Variants in ANTXR2 observed in about 807,000 individuals in gnomAD.
The protein encoded by ANTXR2 is anthrax toxin receptor 2.
A neutral mutation model predicts 73.7 loss-of-function variants in ANTXR2; 44 were observed. That is an observed-to-expected ratio of 0.60 (90% CI 0.47 to 0.77). The LOEUF is 0.77. Ranked by LOEUF, ANTXR2 falls within the 30% of genes least tolerant of loss-of-function variation. ANTXR2 has a pLI of 0.00. For missense variants in ANTXR2, 604 were observed against 592.5 expected (o/e 1.02, Z -0.20); for synonymous variants, 217 against 205.9 (o/e 1.05, Z -0.46).
chr4:79,966,860 G>C (rs576731063), intron 16 of ANTXR2, among the ~76,000 whole-genome samples: 4 of 152,116 alleles, frequency 2.6e-5, no homozygotes, highest in African/African-American at 7.2e-5. Context: ...AGTTGCCTTT[G>C]TCAATCAAGA....
Position 79,984,863 on chromosome 4 carries a change from C to T in ANTXR2, c.1042G>A (p.Val348Ile). 1.3e-6 allele frequency: 2 copies of T among 1,597,976 alleles called. No homozygotes were observed. Among genetic ancestry groups the T allele is most frequent in the East Asian group, 2.2e-5 (1 of 44,610 alleles). ...WWFWPLCCKV[V>I]IKDPPPPPAP... ...GGTGGTGGTGGAGGATCCTTAATAA[C>T]CTGTCAAAAAAAATCAAATATAAAA... is the stretch of plus-strand genomic sequence containing the variant. Residue 348 changes from valine (V) to isoleucine (I), a missense_variant and splice_region_variant, in exon 13 of 17, where the codon GTT (valine) becomes ATT (isoleucine). Physicochemically the swap from Val to Ile is conservative, Grantham distance 29 (BLOSUM62 3). Coordinates refer to ENST00000403729, the MANE Select transcript of ANTXR2 (RefSeq NM_058172.6).
At chr4:80,012,023 C>G (rs2110060942) in intron 11 of ANTXR2, among the ~76,000 whole-genome samples, 1 of 152,340 alleles carries the variant, frequency 6.6e-6, no homozygotes, top group South Asian at 2.1e-4. Flanking sequence ...GACTGCTGCC[C>G]TTGCAACATA....
intron 3 of ANTXR2, among the ~76,000 whole-genome samples, chr4:80,067,131 G>T (rs2110121893): frequency 6.6e-6 from 1 of 152,068 alleles, no homozygotes; most frequent in South Asian, 2.1e-4. Flanking sequence ...GTGTGAACCT[G>T]GGAGGTGGAG....
chr4:79,909,983 T>C (rs1440370078), intron 16 of ANTXR2, among the ~76,000 whole-genome samples: 2 of 152,168 alleles, frequency 1.3e-5, no homozygotes. Flanking sequence ...AAAGGAAAGA[T>C]AACAGTGGTT....
chr4:80,023,064 C>A (rs953595189), intron 10 of ANTXR2, among the ~76,000 whole-genome samples: 3 of 151,970 alleles, frequency 2.0e-5, no homozygotes, highest in Non-Finnish European at 4.4e-5. Context: ...TTTAATAAAC[C>A]TTTTAGATCC....
At chr4:79,958,399 T>C (rs1312819404) in intron 16 of ANTXR2, among the ~76,000 whole-genome samples, 3 of 152,196 alleles carry the variant, frequency 2.0e-5, no homozygotes, top group Non-Finnish European at 4.4e-5. Context: ...GAGTATCTGA[T>C]GCCAGAGCAT....
intron 7 of ANTXR2, among the ~76,000 whole-genome samples, chr4:80,048,092 T>C (rs1459032237): frequency 1.3e-5 from 2 of 151,532 alleles, no homozygotes; most frequent in Non-Finnish European, 3.0e-5. Context: ...TTCATTTTAT[T>C]TATTTATCTA....
intron 12 of ANTXR2, among the ~76,000 whole-genome samples, chr4:80,007,874 C>G (rs890127440): frequency 1.3e-5 from 2 of 152,300 alleles, no homozygotes; most frequent in Admixed American, 6.5e-5. Flanking sequence ...TGTGATTAGA[C>G]AGCTGTTAGA....
intron 7 of ANTXR2, among the ~76,000 whole-genome samples, chr4:80,040,776 AC>A (rs1366975586): frequency 4.6e-5 from 7 of 151,902 alleles, no homozygotes; most frequent in Non-Finnish European, 7.4e-5. Context: ...ACACACACAC[AC>A]ACACATATTG....
At chr4:79,990,756 A>C (rs1327765954) in intron 12 of ANTXR2, among the ~76,000 whole-genome samples, 1 of 152,090 alleles carries the variant, frequency 6.6e-6, no homozygotes, top group African/African-American at 2.4e-5. Context: ...GAGTACACCA[A>C]AGCAGCATGG....
intron 2 of ANTXR2, 71 bp from the exon 3 acceptor site, chr4:80,069,578 TA>T (rs1734686850): frequency 1.6e-6 from 2 of 1,221,440 alleles, no homozygotes; most frequent in Admixed American, 2.3e-5. Flanking sequence ...GATGTATAGT[TA>T]GGGAGGTTCA....
chr4:79,915,854 CTCTCTCTCTA>C (rs1423875670), intron 16 of ANTXR2, among the ~76,000 whole-genome samples: 48 of 111,278 alleles, frequency 4.3e-4, no homozygotes, highest in African/African-American at 1.0e-3. Flanking sequence ...CTCTCTCTCT[CTCTCTCTCTA>C]TATATATATA....
intron 7 of ANTXR2, among the ~76,000 whole-genome samples, chr4:80,037,827 A>T (rs1461546757): frequency 6.6e-6 from 1 of 152,164 alleles, no homozygotes; most frequent in East Asian, 1.9e-4. Context: ...AAAAATGGAC[A>T]TTATAGCTAT....
At chr4:79,921,729 T>A (rs752820341) in intron 16 of ANTXR2, among the ~76,000 whole-genome samples, 1 of 139,500 alleles carries the variant, frequency 7.2e-6, no homozygotes, top group Non-Finnish European at 1.6e-5. Context: ...TTAGTTACTG[T>A]GATGTTGTGT....
At position 80,072,506 on chromosome 4, in the gene ANTXR2, GC is replaced by G; in HGVS notation, c.54del (p.Leu19CysfsTer56). 1 of 1,605,622 alleles carries G rather than the reference GC, an allele frequency of 6.2e-7. No homozygotes were observed. Among genetic ancestry groups the G allele is most frequent in the Non-Finnish European group, 8.5e-7 (1 of 1,176,642 alleles). On this transcript the variant is annotated frameshift_variant, in exon 1 of 17. Coordinates refer to ENST00000403729, the MANE Select transcript of ANTXR2 (RefSeq NM_058172.6). LOFTEE classifies it high-confidence loss of function. ...GGACCGCTGAGCACCAACAGCCACA[GC>G]CCGGGGAACAGCCAGCTCCCGGGGC... ...ARSPGSWLFP[G>X]LWLLVLSGPG...
At chr4:79,960,324 G>C (rs1729096613) in intron 16 of ANTXR2, among the ~76,000 whole-genome samples, 1 of 152,084 alleles carries the variant, frequency 6.6e-6, no homozygotes, top group Admixed American at 6.6e-5. Context: ...TAATATATAT[G>C]ATGTATTATT....
At chr4:79,964,023 G>A (rs550268550) in intron 16 of ANTXR2, among the ~76,000 whole-genome samples, 4 of 152,142 alleles carry the variant, frequency 2.6e-5, no homozygotes, top group East Asian at 3.9e-4. Flanking sequence ...TACATCCATC[G>A]GCAAAGATTT....
At position 80,011,344 on chromosome 4, in the gene ANTXR2, G is replaced by A. The variant is rs925350291; in HGVS notation, c.946-2728C>T. Among the ~76,000 whole-genome samples the A allele has an allele frequency of 5.9e-4, 89 of 151,148 alleles. No homozygotes were observed. The Middle Eastern group carries it at 0.01, about 17-fold the overall frequency. ...CTATCATCTATCTATCTATCTATCT[G>A]TCTGTCTATCATCTATCTATCTGAT... is the stretch of plus-strand genomic sequence containing the variant. On this transcript the variant is annotated intron_variant, in intron 11 of 16. Transcript: ENST00000403729.
In ANTXR2 at chr4:79,907,026, C is replaced by T; in HGVS notation, c.*403G>A. 1 of 220,666 alleles carries T rather than the reference C, an allele frequency of 4.5e-6. No individual in the cohort carries two copies. The highest frequency in any genetic ancestry group is 8.8e-6 in the Non-Finnish European group (1 of 113,220). The allele number at this position is 220,666 out of a possible 1,614,324, so 13.7% of individuals were successfully genotyped here. A position where few individuals can be genotyped will look rare whatever the true frequency, so the allele number is the denominator to read the frequency against. On this transcript the variant is annotated 3_prime_UTR_variant, in exon 17 of 17. Transcript: ENST00000403729. ...CATAAAAACACAAGTGCCATGTTTCCATGTAAAAAACTCCTGTCTCCCATC... is the reference window on the plus strand; with the variant it reads ...CATAAAAACACAAGTGCCATGTTTCTATGTAAAAAACTCCTGTCTCCCATC...
Sources: gnomAD v4.1 joint callset for allele counts (sites outside exome capture counted in the v4.1 genomes callset) on GRCh38, gnomAD v4.1.1 for gene constraint, MANE v1.5 for transcripts, NCBI Gene and HGNC (gene_info 2026-07-23, HGNC 2026-07-21) for gene names.